Variants in FAM13C observed in about 807,000 individuals in gnomAD.
FAM13C encodes the protein protein FAM13C.
In FAM13C, 37 loss-of-function variants were observed where a neutral mutation model predicts 73.2. The observed-to-expected ratio is 0.51, with a 90% CI of 0.39 to 0.67. FAM13C has a LOEUF of 0.67. Among genes scored for constraint, FAM13C ranks in the 30% least tolerant of loss-of-function variants. FAM13C has a pLI of 0.00. For synonymous variants in FAM13C, 246 were observed against 260.9 expected, an observed-to-expected ratio of 0.94 and a Z score of 0.55; for missense variants, 589 against 715.6, an observed-to-expected ratio of 0.82 and a Z score of 2.02.
intron 4 of FAM13C, among the ~76,000 whole-genome samples, chr10:59,304,803 G>GGGAAGGGAAGGGAAGGGAAGGGAAC (rs1848028376): frequency 9.7e-6 from 1 of 103,440 alleles, no homozygotes; most frequent in Non-Finnish European, 2.1e-5. Context: ...GGGAAGGGAA[G>GGGAAGGGAAGGGAAGGGAAGGGAAC]GGAAGGGAAG....
At chr10:59,275,473 T>C (rs1400583070) in intron 6 of FAM13C, among the ~76,000 whole-genome samples, 3 of 152,202 alleles carry the variant, frequency 2.0e-5, no homozygotes, top group Non-Finnish European at 2.9e-5. Context: ...ACTCTTTCTA[T>C]GCATGAAAAG....
At chr10:59,355,114 T>G (rs1223413325) in intron 2 of FAM13C, among the ~76,000 whole-genome samples, 7 of 152,152 alleles carry the variant, frequency 4.6e-5, no homozygotes, top group Non-Finnish European at 1.0e-4. Flanking sequence ...TCTAAGTAAA[T>G]CCACTATTTA....
At chr10:59,333,208 G>A (rs990134799) in intron 3 of FAM13C, among the ~76,000 whole-genome samples, 48 of 152,090 alleles carry the variant, frequency 3.2e-4, no homozygotes, top group African/African-American at 1.1e-3. Context: ...TCTGAGCTGA[G>A]GTTTAAGATC....
chr10:59,340,996 G>A (rs1269584397), intron 3 of FAM13C, among the ~76,000 whole-genome samples: 2 of 152,030 alleles, frequency 1.3e-5, no homozygotes, highest in African/African-American at 4.8e-5. Flanking sequence ...AAGACAGTAA[G>A]CAACAGGGAG....
chr10:59,325,312 A>G (rs1850946873), intron 3 of FAM13C, among the ~76,000 whole-genome samples: 1 of 152,200 alleles, frequency 6.6e-6, no homozygotes. Context: ...GCTTTTTGCC[A>G]AGAAGTCATC....
intron 1 of FAM13C, among the ~76,000 whole-genome samples, chr10:59,361,356 T>C (rs1234459194): frequency 6.6e-6 from 1 of 152,150 alleles, no homozygotes; most frequent in Non-Finnish European, 1.5e-5. Flanking sequence ...CACCAAGTCA[T>C]TGTGATAGTG....
intron 1 of FAM13C, among the ~76,000 whole-genome samples, chr10:59,361,784 A>T (rs1589752417): frequency 6.6e-6 from 1 of 152,164 alleles, no homozygotes; most frequent in East Asian, 1.9e-4. Context: ...TCCTTCATTC[A>T]CACTCCTTCA....
chr10:59,297,665 T>A (rs1371315099), intron 5 of FAM13C, among the ~76,000 whole-genome samples: 1 of 152,214 alleles, frequency 6.6e-6, no homozygotes, highest in African/African-American at 2.4e-5. Flanking sequence ...TCACTATGGC[T>A]GGCTGCCTCA....
chr10:59,308,382 TACCACCACCATC>T (rs1261975862), intron 4 of FAM13C, among the ~76,000 whole-genome samples: 3 of 137,148 alleles, frequency 2.2e-5, no homozygotes, highest in Non-Finnish European at 4.8e-5. Flanking sequence ...CCACCACCAT[TACCACCACCATC>T]ACCACAACCA....
intron 6 of FAM13C, chr10:59,270,337 G>GT: frequency 1.9e-6 from 1 of 529,174 alleles, no homozygotes; most frequent in Non-Finnish European, 3.3e-6. Context: ...AATAAGTTTG[G>GT]TATGAGTTAT....
intron 13 of FAM13C, among the ~76,000 whole-genome samples, chr10:59,248,444 G>T (rs1223276407): frequency 6.6e-6 from 1 of 151,984 alleles, no homozygotes; most frequent in African/African-American, 2.4e-5. Flanking sequence ...AGAATAACTT[G>T]GTAATATCAG....
At chr10:59,278,614 T>G (rs1844585156) in intron 6 of FAM13C, among the ~76,000 whole-genome samples, 1 of 152,158 alleles carries the variant, frequency 6.6e-6, no homozygotes, top group Non-Finnish European at 1.5e-5. Flanking sequence ...CCCCTCATTG[T>G]AACCAGTTGT....
intron 5 of FAM13C, among the ~76,000 whole-genome samples, chr10:59,294,155 T>C (rs1394320010): frequency 6.6e-6 from 1 of 152,208 alleles, no homozygotes; most frequent in Non-Finnish European, 1.5e-5. Context: ...TGCTCTTACG[T>C]TTATACTTTT....
At chr10:59,294,563 G>T (rs1846676148) in intron 5 of FAM13C, among the ~76,000 whole-genome samples, 1 of 152,202 alleles carries the variant, frequency 6.6e-6, no homozygotes. Context: ...CCCTGAGGGT[G>T]AGGCTCACAG....
At chr10:59,340,865 C>T (rs929526875) in intron 3 of FAM13C, among the ~76,000 whole-genome samples, 4 of 151,622 alleles carry the variant, frequency 2.6e-5, no homozygotes, top group Admixed American at 6.6e-5. Flanking sequence ...TAATATTTAG[C>T]GTTAAACTAG....
chr10:59,253,272 C>A (rs988546757), intron 11 of FAM13C, among the ~76,000 whole-genome samples: 5 of 152,324 alleles, frequency 3.3e-5, no homozygotes, highest in East Asian at 1.9e-4. Flanking sequence ...AGGCACAGAC[C>A]ATTAGGATAT....
intron 3 of FAM13C, among the ~76,000 whole-genome samples, chr10:59,340,005 A>G (rs1239925085): frequency 2.0e-5 from 3 of 152,188 alleles, no homozygotes; most frequent in South Asian, 2.1e-4. Context: ...ACATTTAGCA[A>G]TTAGTTCACA....
In FAM13C at chr10:59,321,431, C is replaced by CTTTTTTTTTTT. The variant is rs1850255076; in HGVS notation, c.443+2556_443+2557insAAAAAAAAAAA. On this transcript the variant is annotated intron_variant, in intron 4 of 13. Transcript: ENST00000618804. ...AGAAAGGAATGGAGCCCTGCCAACA[C>CTTTTTTTTTTT]CTTTTTTTTTTTTTTTTTTTTTTTT... Among the ~76,000 whole-genome samples the CTTTTTTTTTTT allele has an allele frequency of 2.7e-5, 3 of 109,856 alleles. 1 individual carries two copies. The highest frequency in any genetic ancestry group is 3.7e-5 in the Non-Finnish European group (2 of 53,744). 72.1% of individuals were successfully genotyped at this position (109,856 alleles called of 152,430 possible). A position where few individuals can be genotyped will look rare whatever the true frequency, so the allele number is the denominator to read the frequency against.
intron 10 of FAM13C, 82 bp from the exon 11 acceptor site, chr10:59,254,525 A>T: frequency 1.5e-6 from 1 of 662,016 alleles, no homozygotes; most frequent in East Asian, 2.9e-5. Context: ...AAAAGCCTCA[A>T]AGTAAAGGAT....
Sources: gnomAD v4.1 joint callset for allele counts (sites outside exome capture counted in the v4.1 genomes callset) on GRCh38, gnomAD v4.1.1 for gene constraint, MANE v1.5 for transcripts, NCBI Gene and HGNC (gene_info 2026-07-23, HGNC 2026-07-21) for gene names.